Variants in CSTF3 observed in about 807,000 individuals in gnomAD.
CSTF3 encodes CF-1 77 kDa subunit.
Under a neutral mutation model 105.8 loss-of-function variants are expected in CSTF3, and 29 were observed. That is an observed-to-expected ratio of 0.27 (90% CI 0.20 to 0.37). The LOEUF (loss-of-function observed/expected upper bound fraction) is 0.37. Among genes scored for constraint, CSTF3 ranks in the 10% least tolerant of loss-of-function variants. CSTF3 has a pLI of 1.00. For missense variants in CSTF3, 357 were observed against 879.3 expected, an observed-to-expected ratio of 0.41 and a Z score of 7.51; for synonymous variants, 252 against 281.9, an observed-to-expected ratio of 0.89 and a Z score of 1.06.
chr11:33,092,380 T>G lies in CSTF3; in HGVS notation c.1376-40A>C, dbSNP rs763726992. ...AAGATTTTAATTTTTTTAATTCACT[T>G]TTACGATGCAACAATATTTTCATAT... On this transcript the variant is annotated intron_variant, in intron 15 of 20. Transcript: ENST00000323959. 5 of 1,323,882 alleles carry G rather than the reference T, an allele frequency of 3.8e-6. No homozygotes were observed. In the East Asian group the frequency reaches 1.2e-4, roughly 33 times the overall value. 82.0% of individuals were successfully genotyped at this position (1,323,882 alleles called of 1,614,324 possible).
At chr11:33,088,228 A>T (rs1438823540) in intron 17 of CSTF3, among the ~76,000 whole-genome samples, 3 of 152,164 alleles carry the variant, frequency 2.0e-5, no homozygotes, top group African/African-American at 7.2e-5. Flanking sequence ...GAGTAGAAAT[A>T]GAAATACAAG....
In CSTF3 at chr11:33,087,107, G is replaced by A. The variant is rs748010913; in HGVS notation, c.1676C>T (p.Pro559Leu). ...TATAGAAGGAGCTACAACTGGGTCC[G>A]GAATTATAGCTGCTAGCTTAGCACG... The part of the protein sequence containing the change: ...VSRAKLAAII[P>L]DPVVAPSIVP... Residue 559 changes from proline to leucine, a missense_variant, in exon 18 of 21, where the codon CCG becomes CTG. Around this residue, in one of 4 missense-constraint regions of CSTF3, gnomAD observed 206 missense variants for 576.5 expected, o/e 0.36. Coordinates refer to ENST00000323959, the MANE Select transcript of CSTF3 (RefSeq NM_001326.3). The A allele has an allele frequency of 6.2e-7, 1 of 1,614,072 alleles. No individual in the cohort carries two copies. The highest frequency in any genetic ancestry group is 1.1e-5 in the South Asian group (1 of 91,078).
At chr11:33,152,505 C>T (rs1278211627) in intron 1 of CSTF3, among the ~76,000 whole-genome samples, 1 of 152,126 alleles carries the variant, frequency 6.6e-6, no homozygotes, top group African/African-American at 2.4e-5. Flanking sequence ...AAACTGTATC[C>T]TATTCTGTGG....
Position 33,106,076 on chromosome 11 carries a change from ATG to A in CSTF3, c.357-14_357-13del. On this transcript the variant is annotated splice_polypyrimidine_tract_variant and intron_variant, in intron 5 of 20. Coordinates refer to ENST00000323959, the MANE Select transcript of CSTF3 (RefSeq NM_001326.3). ...GAGCCATTTTTTCTCTGAAATGAAC[ATG>A]AAAGACGTGGTTTTTAAATTTTTTT... 6.2e-7 allele frequency: 1 copy of A among 1,605,752 alleles called. No individual in the cohort carries two copies. Among genetic ancestry groups the A allele is most frequent in the East Asian group, 2.2e-5 (1 of 44,748 alleles).
At chr11:33,107,138 C>A (rs760143865) in intron 5 of CSTF3, among the ~76,000 whole-genome samples, 1 of 151,240 alleles carries the variant, frequency 6.6e-6, no homozygotes, top group Non-Finnish European at 1.5e-5. Flanking sequence ...CATAAGGAGA[C>A]CCCATCTCTA....
chr11:33,122,914 C>CAAAAAAAAAAAAAAAAAAAAAAAAAAA (rs10600978), intron 3 of CSTF3, among the ~76,000 whole-genome samples: 1 of 83,834 alleles, frequency 1.2e-5, no homozygotes, highest in African/African-American at 5.4e-5. Context: ...TATCCTGTCT[C>CAAAAAAAAAAAAAAAAAAAAAAAAAAA]AAAAAAAAAA....
chr11:33,154,480 C>T (rs1043521871), intron 1 of CSTF3, among the ~76,000 whole-genome samples: 1 of 144,462 alleles, frequency 6.9e-6, no homozygotes, highest in African/African-American at 2.5e-5. Context: ...AGTAGCACTC[C>T]GTAAGACTTT....
At chr11:33,134,180 G>C (rs187969038) in intron 3 of CSTF3, among the ~76,000 whole-genome samples, 1 of 152,278 alleles carries the variant, frequency 6.6e-6, no homozygotes, top group African/African-American at 2.4e-5. Flanking sequence ...TTTTTTGTAA[G>C]TTCAAAGTAA....
intron 3 of CSTF3, among the ~76,000 whole-genome samples, chr11:33,113,895 A>T (rs1331060356): frequency 1.3e-5 from 2 of 148,548 alleles, no homozygotes; most frequent in East Asian, 1.9e-4. Flanking sequence ...ATCTCTGTTT[A>T]AAAAAAAAAA....
At chr11:33,150,367 A>T (rs1306163708) in intron 1 of CSTF3, among the ~76,000 whole-genome samples, 2 of 152,104 alleles carry the variant, frequency 1.3e-5, no homozygotes, top group East Asian at 3.8e-4. Flanking sequence ...AACTATCAAA[A>T]TCCAGTTTTG....
chr11:33,138,267 G>A (rs905595443), intron 3 of CSTF3, among the ~76,000 whole-genome samples: 1 of 151,654 alleles, frequency 6.6e-6, no homozygotes, highest in African/African-American at 2.4e-5. Context: ...AATGTGGCCC[G>A]ATTCAAAACA....
At chr11:33,149,808 C>T (rs903804564) in intron 1 of CSTF3, among the ~76,000 whole-genome samples, 2 of 152,170 alleles carry the variant, frequency 1.3e-5, no homozygotes, top group Admixed American at 6.5e-5. Context: ...CACCTGAGGT[C>T]AGGAGTTCAA....
chr11:33,143,129 C>G (rs991949706), intron 1 of CSTF3, among the ~76,000 whole-genome samples: 1 of 152,112 alleles, frequency 6.6e-6, no homozygotes, highest in African/African-American at 2.4e-5. Context: ...AAACACAATT[C>G]ACAATTGTAT....
At chr11:33,094,652 C>A (rs1334235028) in intron 15 of CSTF3, among the ~76,000 whole-genome samples, 2 of 152,082 alleles carry the variant, frequency 1.3e-5, no homozygotes, top group Non-Finnish European at 2.9e-5. Context: ...CCCACTATCT[C>A]ATTTTTTGGA....
chr11:33,137,891 A>C (rs1467398150), intron 3 of CSTF3, among the ~76,000 whole-genome samples: 2 of 151,850 alleles, frequency 1.3e-5, no homozygotes, highest in Non-Finnish European at 3.0e-5. Context: ...ATAATACAGT[A>C]ATTTAAATTG....
At chr11:33,138,393 G>A (rs950792574) in intron 3 of CSTF3, among the ~76,000 whole-genome samples, 8 of 151,744 alleles carry the variant, frequency 5.3e-5, no homozygotes, top group African/African-American at 1.7e-4. Context: ...AAAAGAATAT[G>A]TCAAAATTCT....
Position 33,105,662 on chromosome 11 carries a change from T to G in CSTF3, c.490A>C (p.Arg164=), listed in dbSNP as rs1409929920. ...EAVGSYAENQ[R]ITAVRRVYQR... ...TAAACTCTTCGGACAGCTGTTATTC[T>G]TTGATTTTCTGCATAAGATCCTACA... Residue 164 remains arginine, a synonymous_variant, in exon 8 of 21, where the codon AGA becomes CGA. Transcript: ENST00000323959. 2 of 1,613,536 alleles carry G rather than the reference T, an allele frequency of 1.2e-6. No homozygotes were observed. Among genetic ancestry groups the G allele is most frequent in the African/African-American group, 2.7e-5 (2 of 74,908 alleles).
chr11:33,095,689 C>T (rs973242815), intron 15 of CSTF3, among the ~76,000 whole-genome samples: 20 of 151,216 alleles, frequency 1.3e-4, no homozygotes, highest in Non-Finnish European at 1.5e-5. Context: ...GGCGAGGTGG[C>T]GGGCGCCTGT....
At chr11:33,130,973 T>C (rs1165813928) in intron 3 of CSTF3, among the ~76,000 whole-genome samples, 1 of 152,142 alleles carries the variant, frequency 6.6e-6, no homozygotes, top group Non-Finnish European at 1.5e-5. Context: ...AAGGCTGCAG[T>C]AGGCCATGAT....
Sources: gnomAD v4.1 joint callset for allele counts (sites outside exome capture counted in the v4.1 genomes callset) on GRCh38, gnomAD v4.1.1 for gene constraint, gnomAD v4.1.1 regional missense constraint, MANE v1.5 for transcripts, NCBI Gene and HGNC (gene_info 2026-07-23, HGNC 2026-07-21) for gene names.